Variants in MMS22L observed in about 807,000 individuals in gnomAD.
MMS22L encodes protein MMS22-like.
A neutral mutation model predicts 159.1 loss-of-function variants in MMS22L; 74 were observed. The observed-to-expected ratio is 0.47, with a 90% CI of 0.39 to 0.56. The LOEUF is 0.56. Among genes scored for constraint, MMS22L ranks in the 20% least tolerant of loss-of-function variants. MMS22L has a pLI of 0.00. For synonymous variants in MMS22L, 517 were observed against 506.9 expected, an observed-to-expected ratio of 1.02 and a Z score of -0.27; for missense variants, 1,351 against 1,422.1, an observed-to-expected ratio of 0.95 and a Z score of 0.80.
chr6:97,150,908 C>G (rs999315454), intron 23 of MMS22L, among the ~76,000 whole-genome samples: 3 of 152,098 alleles, frequency 2.0e-5, no homozygotes, highest in African/African-American at 7.2e-5. Flanking sequence ...CTAAAGGGAA[C>G]AAGACAGGGA....
At chr6:97,212,429 G>A (rs1808486114) in intron 14 of MMS22L, among the ~76,000 whole-genome samples, 1 of 152,070 alleles carries the variant, frequency 6.6e-6, no homozygotes, top group Admixed American at 6.5e-5. Context: ...ATTCAGAATG[G>A]AGCCCTAAAA....
rs1267680627 is a variant in MMS22L, at chr6:97,216,662, T to C, written c.2039+12232A>G. ...GTCTTTGGTTTAAGAAACAGCACCG[T>C]GTGGTGCCATGAAAGAGCACAGTAG... On this transcript the variant is annotated intron_variant, in intron 14 of 24. Coordinates refer to ENST00000683635, the MANE Select transcript of MMS22L (RefSeq NM_001350599.2). Among the ~76,000 whole-genome samples the C allele has an allele frequency of 3.3e-5, 5 of 152,212 alleles. No individual in the cohort carries two copies. In the East Asian group the frequency reaches 9.6e-4, roughly 29 times the overall value.
At chr6:97,185,054 G>A (rs1465938113) in intron 15 of MMS22L, among the ~76,000 whole-genome samples, 4 of 151,948 alleles carry the variant, frequency 2.6e-5, no homozygotes, top group Non-Finnish European at 4.4e-5. Flanking sequence ...GCAAAGCATG[G>A]TCTCTCATCT....
chr6:97,272,615 A>G (rs1364004273), intron 6 of MMS22L, 89 bp downstream of exon 6: 5 of 1,204,844 alleles, frequency 4.1e-6, no homozygotes, highest in Non-Finnish European at 5.8e-6. Flanking sequence ...CAGAGCTGTA[A>G]TTCTGACTAA....
At chr6:97,245,086 C>G (rs1025821348) in intron 11 of MMS22L, among the ~76,000 whole-genome samples, 1 of 151,894 alleles carries the variant, frequency 6.6e-6, no homozygotes, top group East Asian at 1.9e-4. Context: ...ATATCCAGGC[C>G]TCTGGTGTGC....
rs1800698118 is a variant in MMS22L at position 97,142,723 on chromosome 6, C to T, written c.*4083G>A. The T allele has an allele frequency of 6.6e-6, 1 of 152,066 alleles. No individual in the cohort carries two copies. 9.4% of individuals were successfully genotyped at this position (152,066 alleles called of 1,614,324 possible). A position where few individuals can be genotyped will look rare whatever the true frequency, so the allele number is the denominator to read the frequency against. Reference sequence around the variant, plus strand: ...TAAAGGCTTTTCCTAACTGTAGAAGCTTGTCAAATTTTTATATAACATACA... The same window carrying T: ...TAAAGGCTTTTCCTAACTGTAGAAGTTTGTCAAATTTTTATATAACATACA... On this transcript the variant is annotated 3_prime_UTR_variant, in exon 25 of 25. Coordinates refer to ENST00000683635, the MANE Select transcript of MMS22L (RefSeq NM_001350599.2).
Position 97,267,911 on chromosome 6 carries a change from A to G in MMS22L, c.789T>C (p.Leu263=), listed in dbSNP as rs1815307535. 6.2e-7 allele frequency: 1 copy of G among 1,608,812 alleles called. No homozygotes were observed. The highest frequency in any genetic ancestry group is 8.5e-7 in the Non-Finnish European group (1 of 1,178,400). The change falls in exon 8 of 25, where the codon CTT becomes CTC. Residue 263 remains leucine, a synonymous_variant. Coordinates refer to ENST00000683635, the MANE Select transcript of MMS22L (RefSeq NM_001350599.2). ...SLFEEHCETL[L]CDLISLSLNR... is the part of the protein sequence containing the mutation. ...TGAGTGACAGGCTTATTAAATCACA[A>G]AGGAGAGTTTCACAATGTTCTTCAA... is the stretch of plus-strand genomic sequence containing the variant.
At chr6:97,254,430 C>A in intron 10 of MMS22L, 127 bp downstream of exon 10, 1 of 633,444 alleles carries the variant, frequency 1.6e-6, no homozygotes, top group Non-Finnish European at 2.6e-6. Flanking sequence ...AAACATTATA[C>A]ATAAATAATT....
intron 3 of MMS22L, 22 bp from the exon 4 acceptor site, chr6:97,278,920 G>T: frequency 6.2e-7 from 1 of 1,606,892 alleles, no homozygotes; most frequent in South Asian, 1.1e-5. Flanking sequence ...AATGTAAGGT[G>T]AGAGTTAATT....
rs79267553 is a variant in MMS22L, at chr6:97,257,541, C to T, written c.943-2808G>A. 6.9e-3 allele frequency among the ~76,000 whole-genome samples: 1,049 copies of T among 152,262 alleles called. 9 individuals carry two copies. The highest frequency in any genetic ancestry group is 0.012 in the Non-Finnish European group (789 of 68,012). ...CAAAATTCTGGGCTCAAGTGATCATCCCACCTCAGCCTCCCAAGTAGCTGG... is the reference window on the plus strand; with the variant it reads ...CAAAATTCTGGGCTCAAGTGATCATTCCACCTCAGCCTCCCAAGTAGCTGG... On this transcript the variant is annotated intron_variant, in intron 9 of 24. Coordinates refer to ENST00000683635, the MANE Select transcript of MMS22L (RefSeq NM_001350599.2).
In MMS22L at chr6:97,178,599, ATAGTAT is replaced by A; in HGVS notation, c.2537-20_2537-15del. ...TGTACTCTTTTTCTGTTAAAATAAA[ATAGTAT>A]TTGTTATATCAATTTATATAACATA... is the stretch of plus-strand genomic sequence containing the variant. On this transcript the variant is annotated splice_polypyrimidine_tract_variant and intron_variant, in intron 17 of 24. Transcript: ENST00000683635. The A allele has an allele frequency of 7.2e-7, 1 of 1,393,496 alleles. No individual in the cohort carries two copies. 86.3% of individuals were successfully genotyped at this position (1,393,496 alleles called of 1,614,324 possible). A position where few individuals can be genotyped will look rare whatever the true frequency, so the allele number is the denominator to read the frequency against.
intron 23 of MMS22L, chr6:97,151,542 C>G (rs373512018): frequency 1.3e-5 from 6 of 445,056 alleles, no homozygotes; most frequent in South Asian, 9.4e-5. Flanking sequence ...TTCTTCCTCA[C>G]TAAATTCACA....
chr6:97,157,305 T>C (rs534199573), intron 22 of MMS22L, among the ~76,000 whole-genome samples: 1 of 152,270 alleles, frequency 6.6e-6, no homozygotes, highest in East Asian at 1.9e-4. Flanking sequence ...CTGAATACGC[T>C]TTATGGCTTT....
intron 24 of MMS22L, among the ~76,000 whole-genome samples, chr6:97,148,161 G>C (rs768839799): frequency 1.3e-5 from 2 of 152,030 alleles, no homozygotes. Flanking sequence ...TGCCTTACTC[G>C]TGTTGTTTGT....
intron 14 of MMS22L, among the ~76,000 whole-genome samples, chr6:97,223,504 T>C (rs1205370397): frequency 6.6e-6 from 1 of 152,104 alleles, no homozygotes; most frequent in Non-Finnish European, 1.5e-5. Flanking sequence ...CTATCCAAAA[T>C]GTTTTTGACC....
chr6:97,232,162 TA>T (rs1810944596), intron 12 of MMS22L, among the ~76,000 whole-genome samples: 1 of 152,148 alleles, frequency 6.6e-6, no homozygotes, highest in South Asian at 2.1e-4. Context: ...TCATCAGTAG[TA>T]CTAAGTAGTT....
chr6:97,241,689 G>A (rs1812092357), intron 11 of MMS22L, among the ~76,000 whole-genome samples: 1 of 152,100 alleles, frequency 6.6e-6, no homozygotes, highest in Admixed American at 6.5e-5. Flanking sequence ...CTTGAAGTGT[G>A]ACCTTAGATT....
chr6:97,204,888 AAT>A (rs1807592827), intron 14 of MMS22L, among the ~76,000 whole-genome samples: 1 of 79,658 alleles, frequency 1.3e-5, no homozygotes, highest in Non-Finnish European at 3.4e-5. Flanking sequence ...GAGAGCTGGC[AAT>A]TTTTTTTTTT....
intron 20 of MMS22L, 27 bp from the exon 21 acceptor site, chr6:97,165,484 T>A: frequency 6.3e-7 from 1 of 1,578,748 alleles, no homozygotes; most frequent in Non-Finnish European, 8.7e-7. Context: ...TAAGAAATAC[T>A]AAGAGGTAAA....
Sources: allele counts gnomAD v4.1 joint callset (sites outside exome capture counted in the v4.1 genomes callset), GRCh38; gene constraint gnomAD v4.1.1; transcripts MANE v1.5; gene names NCBI Gene and HGNC (gene_info 2026-07-23, HGNC 2026-07-21).